ASB9: variants seen among roughly 807,000 people sequenced by gnomAD.
ASB9 encodes ankyrin repeat and SOCS box containing 9.
Under a neutral mutation model 16.6 loss-of-function variants are expected in ASB9, and 5 were observed. The observed-to-expected ratio is 0.30, with a 90% CI of 0.16 to 0.63. The LOEUF is 0.63. Ranked by LOEUF, ASB9 falls within the 30% of genes least tolerant of loss-of-function variation. The pLI is 0.82. For missense variants in ASB9, 216 were observed against 229.4 expected, an observed-to-expected ratio of 0.94 and a Z score of 0.38; for synonymous variants, 100 against 86.4, an observed-to-expected ratio of 1.16 and a Z score of -0.87.
At chrX:15,256,784 A>AG (rs1487361947) in intron 2 of ASB9, among the ~76,000 whole-genome samples, 4 of 106,956 alleles carry the variant, frequency 3.7e-5, no homozygotes, top group African/African-American at 1.4e-4. Flanking sequence ...TCAAAAAAAA[A>AG]AAAAAAAAAA....
chrX:15,244,679 G>T, intron 6 of ASB9, 49 bp from the exon 7 acceptor site: 1 of 1,032,124 alleles, frequency 9.7e-7, no homozygotes, highest in Non-Finnish European at 1.3e-6. Context: ...ATTGATCTAA[G>T]ACTCCTTTTT....
At chrX:15,252,453 T>C in intron 3 of ASB9, 49 bp from the exon 4 acceptor site, 1 of 1,129,382 alleles carries the variant, frequency 8.9e-7, no homozygotes, top group Non-Finnish European at 1.2e-6. Flanking sequence ...ATGTTTTGGG[T>C]TCAAATGTGG....
chrX:15,257,264 C>CG lies in ASB9; in HGVS notation c.174+1601dup, dbSNP rs1174903495. 4.5e-5 allele frequency among the ~76,000 whole-genome samples: 5 copies of CG among 110,702 alleles called. No individual in the cohort carries two copies. The Admixed American group carries it at 4.8e-4, about 11-fold the overall frequency. ...GTCTCTACTAAAAATATAAAATTAG[C>CG]GGGGCGTGGTGGCACATGCCTGTAG... On this transcript the variant is annotated intron_variant, in intron 2 of 6. Transcript: ENST00000380488.
intron 2 of ASB9, among the ~76,000 whole-genome samples, chrX:15,257,943 T>C (rs1389515270): frequency 2.7e-5 from 3 of 111,340 alleles, no homozygotes; most frequent in African/African-American, 9.8e-5. Flanking sequence ...ATTCCTCAGG[T>C]AGCCAGTGGT....
intron 1 of ASB9, among the ~76,000 whole-genome samples, chrX:15,264,612 T>C (rs73189526): frequency 0.04 from 4,430 of 111,198 alleles, 92 homozygotes; most frequent in Non-Finnish European, 0.059. Flanking sequence ...CTGGGCCCTA[T>C]TTTCCCCTCT....
chrX:15,244,548 G>A lies in ASB9; in HGVS notation c.843C>T (p.Leu281=), dbSNP rs149241104. Residue 281 remains leucine (L), a synonymous_variant, in exon 7 of 7, where the codon CTC becomes CTT. Coordinates refer to ENST00000380488, the MANE Select transcript of ASB9 (RefSeq NM_001031739.3). ...ACTGTTTCAGATCCTCTGGGAGGAC[G>A]AGTTTGGTTATCTTATGATGCTGCT... is the stretch of plus-strand genomic sequence containing the variant. ...GIQQHHKITK[L]VLPEDLKQFL... 1.4e-4 allele frequency: 165 copies of A among 1,193,967 alleles called. No individual in the cohort carries two copies. Among genetic ancestry groups the A allele is most frequent in the Admixed American group, 2.2e-4 (10 of 45,537 alleles).
intron 1 of ASB9, among the ~76,000 whole-genome samples, chrX:15,268,334 A>AAAAAC (rs201223101): frequency 0.18 from 18,963 of 104,249 alleles, 2,154 homozygotes; most frequent in African/African-American, 0.37. Context: ...TCCGTCTCAA[A>AAAAAC]AAAACAAAAC....
At chrX:15,267,541 G>C (rs748094373) in intron 1 of ASB9, among the ~76,000 whole-genome samples, 1 of 46,540 alleles carries the variant, frequency 2.1e-5, no homozygotes, top group Non-Finnish European at 4.3e-5. Flanking sequence ...TCAGGAGATT[G>C]AGACCATCCT....
chrX:15,254,187 G>GT (rs1233727517), intron 3 of ASB9, among the ~76,000 whole-genome samples: 1 of 112,241 alleles, frequency 8.9e-6, no homozygotes, highest in Non-Finnish European at 1.9e-5. Flanking sequence ...CTGTCCTGCC[G>GT]TAAGGAATGA....
chrX:15,245,699 T>G (rs1924605419), intron 6 of ASB9, among the ~76,000 whole-genome samples: 1 of 111,422 alleles, frequency 9.0e-6, no homozygotes, highest in Non-Finnish European at 1.9e-5. Context: ...CCCAAGCATC[T>G]GGATTTTCTA....
chrX:15,269,480 T>G (rs1171181508), intron 1 of ASB9, among the ~76,000 whole-genome samples: 3 of 112,349 alleles, frequency 2.7e-5, no homozygotes, highest in Non-Finnish European at 5.6e-5. Flanking sequence ...TAAGTAACTT[T>G]CAAACCTCCA....
At chrX:15,266,814 T>G (rs929983677) in intron 1 of ASB9, among the ~76,000 whole-genome samples, 1 of 109,011 alleles carries the variant, frequency 9.2e-6, no homozygotes, top group Non-Finnish European at 1.9e-5. Context: ...CGGGCGCCTG[T>G]AGTCCCAGCT....
At chrX:15,250,365 T>C (rs963854915) in intron 5 of ASB9, 65 bp downstream of exon 5, 1 of 1,129,702 alleles carries the variant, frequency 8.9e-7, no homozygotes, top group Non-Finnish European at 1.2e-6. Context: ...AGCAGTAAGA[T>C]GTTTAAAATA....
At chrX:15,245,421 G>T (rs754405335) in intron 6 of ASB9, among the ~76,000 whole-genome samples, 1 of 47,796 alleles carries the variant, frequency 2.1e-5, no homozygotes, top group Non-Finnish European at 3.6e-5. Context: ...TGTCAATAGC[G>T]TCAAGGTTGA....
Position 15,254,838 on chromosome X carries a change from C to T in ASB9, c.181G>A (p.Ala61Thr). Residue 61 changes from alanine to threonine, a missense_variant, in exon 3 of 7, where the codon GCT (alanine) becomes ACT (threonine). By Grantham distance (58) the Ala-to-Thr change is moderately conservative (BLOSUM62 0). Coordinates refer to ENST00000380488, the MANE Select transcript of ASB9 (RefSeq NM_001031739.3). ...SLRNLISQGW[A>T]VNIITADHVS... is the part of the protein sequence containing the mutation. Reference sequence around the variant, plus strand: ...TGATCTGCCGTGATGATGTTCACAGCCCACCCCTGAAGGAGGGGAAACAGT... The same window carrying T: ...TGATCTGCCGTGATGATGTTCACAGTCCACCCCTGAAGGAGGGGAAACAGT... 8.3e-7 allele frequency: 1 copy of T among 1,207,030 alleles called. No homozygotes were observed.
At chrX:15,264,021 T>C (rs958805058) in intron 1 of ASB9, among the ~76,000 whole-genome samples, 1 of 111,798 alleles carries the variant, frequency 8.9e-6, no homozygotes, top group Non-Finnish European at 1.9e-5. Flanking sequence ...ACTGGGTGGC[T>C]TAAAACAACA....
intron 6 of ASB9, among the ~76,000 whole-genome samples, chrX:15,245,884 C>A (rs1266083668): frequency 9.0e-6 from 1 of 111,667 alleles, no homozygotes; most frequent in Non-Finnish European, 1.9e-5. Flanking sequence ...CATATACAAT[C>A]AAAAAAATAC....
In ASB9 at chrX:15,253,972, G is replaced by A. The variant is rs146684093; in HGVS notation, c.282+765C>T. Among the ~76,000 whole-genome samples the A allele has an allele frequency of 2.9e-3, 327 of 111,741 alleles. 1 individual carries two copies. The highest frequency in any genetic ancestry group is 9.4e-3 in the African/African-American group (289 of 30,791). ...ACAAATAGTGCAGGACCCTGAGAGC[G>A]AGCACTTCTTTCAAGTTTGTACCCT... On this transcript the variant is annotated intron_variant, in intron 3 of 6. Coordinates refer to ENST00000380488, the MANE Select transcript of ASB9 (RefSeq NM_001031739.3).
intron 3 of ASB9, among the ~76,000 whole-genome samples, chrX:15,252,946 A>G (rs957896281): frequency 8.9e-6 from 1 of 112,754 alleles, no homozygotes; most frequent in South Asian, 3.6e-4. Context: ...GCTCAAAAAA[A>G]CATTTGGCCA....
Sources: allele counts gnomAD v4.1 joint callset (sites outside exome capture counted in the v4.1 genomes callset), GRCh38; gene constraint gnomAD v4.1.1; transcripts MANE v1.5; gene names NCBI Gene and HGNC (gene_info 2026-07-23, HGNC 2026-07-21).